ADGB: variants seen among roughly 807,000 people sequenced by gnomAD.
ADGB encodes androglobin.
Under a neutral mutation model 210.5 loss-of-function variants are expected in ADGB, and 172 were observed. The observed-to-expected ratio is 0.82, with a 90% CI of 0.72 to 0.93. The LOEUF is 0.93. Ranked by LOEUF, ADGB falls within the 40% of genes least tolerant of loss-of-function variation. The pLI, the probability that ADGB is intolerant of heterozygous loss-of-function variation, is 0.00. For missense variants in ADGB, 2,025 were observed against 1,964.8 expected (o/e 1.03, Z -0.58); for synonymous variants, 658 against 662.7 (o/e 0.99, Z 0.11).
chr6:146,770,937 A>C (rs1457504918), intron 29 of ADGB, among the ~76,000 whole-genome samples: 1 of 152,104 alleles, frequency 6.6e-6, no homozygotes, highest in Non-Finnish European at 1.5e-5. Flanking sequence ...ACATCTGCCC[A>C]TTCTACTTCA....
Position 146,815,134 on chromosome 6 carries a change from C to G in ADGB, c.4921C>G (p.Gln1641Glu). The G allele has an allele frequency of 1.9e-6, 3 of 1,546,906 alleles. No individual in the cohort carries two copies. Among genetic ancestry groups the G allele is most frequent in the Non-Finnish European group, 2.6e-6 (3 of 1,145,628 alleles). ...EHLKLETLAA[Q>E]EAAMKLETEK... ...CCTAAAGCTGGAAACTCTGGCTGCTCAGGAAGCAGCCATGAAGCTGGAGAC... is the reference window on the plus strand; with the variant it reads ...CCTAAAGCTGGAAACTCTGGCTGCTGAGGAAGCAGCCATGAAGCTGGAGAC... The change falls in exon 36 of 36, where the codon CAG (glutamine) becomes GAG (glutamate). Residue 1641 changes from glutamine (Q) to glutamate (E), a missense_variant. Transcript: ENST00000397944.
chr6:146,740,491 A>C lies in ADGB; in HGVS notation c.2921A>C (p.Glu974Ala), dbSNP rs756448902. 6.5e-7 allele frequency: 1 copy of C among 1,548,068 alleles called. No homozygotes were observed. Among genetic ancestry groups the C allele is most frequent in the South Asian group, 1.2e-5 (1 of 83,612 alleles). ...LMFKSKCKSL[E>A]SYPCYQDEET... ...TTTAAAAGCAAGTGCAAGTCTTTGG[A>C]ATCTTATCCATGCTATCAAGATGAA... The change falls in exon 24 of 36, where the codon GAA (glutamate) becomes GCA (alanine). Residue 974 changes from glutamate (E) to alanine (A), a missense_variant. Coordinates refer to ENST00000397944, the MANE Select transcript of ADGB (RefSeq NM_024694.4).
chr6:146,732,241 G>T (rs1776998510), intron 20 of ADGB, among the ~76,000 whole-genome samples: 1 of 152,142 alleles, frequency 6.6e-6, no homozygotes, highest in South Asian at 2.1e-4. Flanking sequence ...GCTGGCCGAG[G>T]TACCAAGGAC....
chr6:146,706,238 T>TG (rs1322079744), intron 13 of ADGB, among the ~76,000 whole-genome samples: 4 of 151,148 alleles, frequency 2.6e-5, no homozygotes, highest in East Asian at 1.9e-4. Flanking sequence ...GACAGTTTTT[T>TG]GTTTTTTTTT....
At chr6:146,749,728 T>C (rs1006759336) in intron 26 of ADGB, among the ~76,000 whole-genome samples, 1 of 152,100 alleles carries the variant, frequency 6.6e-6, no homozygotes, top group Non-Finnish European at 1.5e-5. Context: ...TTCTACAGTA[T>C]GTACAGGAGG....
At chr6:146,715,557 G>A in intron 14 of ADGB, 142 bp downstream of exon 14, 1 of 488,222 alleles carries the variant, frequency 2.0e-6, no homozygotes, top group Non-Finnish European at 3.6e-6. Context: ...AGTCTGCTCT[G>A]GGCTTTAAAA....
chr6:146,696,373 G>T (rs1776403455), intron 12 of ADGB, among the ~76,000 whole-genome samples: 1 of 149,558 alleles, frequency 6.7e-6, no homozygotes, highest in South Asian at 2.1e-4. Context: ...ACAGTGCCCA[G>T]CCAGAAATAC....
chr6:146,652,732 T>G (rs1356699884), intron 3 of ADGB, among the ~76,000 whole-genome samples: 2 of 152,018 alleles, frequency 1.3e-5, no homozygotes, highest in Non-Finnish European at 2.9e-5. Flanking sequence ...GCTATCACAA[T>G]CTCAAAAAAA....
intron 3 of ADGB, among the ~76,000 whole-genome samples, chr6:146,647,272 CTAA>C (rs1225856541): frequency 2.0e-5 from 3 of 151,310 alleles, no homozygotes; most frequent in East Asian, 1.9e-4. Flanking sequence ...AATCAAAAAT[CTAA>C]TAATAATAAT....
At chr6:146,691,506 T>TTTA (rs1562275710) in intron 11 of ADGB, among the ~76,000 whole-genome samples, 1 of 38,730 alleles carries the variant, frequency 2.6e-5, no homozygotes, top group Admixed American at 3.2e-4. Flanking sequence ...ATATATTTTT[T>TTTA]TTTTTTTTTT....
At chr6:146,676,601 G>A (rs1776088266) in intron 9 of ADGB, among the ~76,000 whole-genome samples, 160 bp downstream of exon 9, 1 of 152,136 alleles carries the variant, frequency 6.6e-6, no homozygotes, top group Non-Finnish European at 1.5e-5. Flanking sequence ...GGCGTGTTGG[G>A]CCAAGTCCTA....
chr6:146,749,004 G>C (rs1292725925), intron 26 of ADGB, among the ~76,000 whole-genome samples: 1 of 152,160 alleles, frequency 6.6e-6, no homozygotes, highest in African/African-American at 2.4e-5. Flanking sequence ...GTGAAGCACT[G>C]GGGGTTAGAA....
At chr6:146,802,757 T>C (rs933071273) in intron 35 of ADGB, 5 of 1,583,700 alleles carry the variant, frequency 3.2e-6, no homozygotes, top group Non-Finnish European at 4.3e-6. Flanking sequence ...TTCAGGGATG[T>C]TTTGAAAAAC....
intron 1 of ADGB, among the ~76,000 whole-genome samples, chr6:146,600,924 GCGCACACA>G (rs1169492835): frequency 3.9e-3 from 186 of 47,574 alleles, no homozygotes; most frequent in South Asian, 0.013. Flanking sequence ...CCTCCCCCAT[GCGCACACA>G]CACACACACA....
intron 26 of ADGB, among the ~76,000 whole-genome samples, chr6:146,747,100 A>G (rs1237371509): frequency 1.3e-5 from 2 of 152,188 alleles, no homozygotes; most frequent in African/African-American, 2.4e-5. Context: ...TGTGAGAATC[A>G]ACATTGATTG....
At chr6:146,798,598 C>T (rs940961770) in intron 33 of ADGB, among the ~76,000 whole-genome samples, 5 of 151,554 alleles carry the variant, frequency 3.3e-5, no homozygotes, top group African/African-American at 1.2e-4. Context: ...AGAAATAAAA[C>T]ACATCAATCT....
At chr6:146,678,018 A>G (rs1776107193) in intron 9 of ADGB, among the ~76,000 whole-genome samples, 1 of 152,192 alleles carries the variant, frequency 6.6e-6, no homozygotes, top group South Asian at 2.1e-4. Flanking sequence ...TTTATCTGGC[A>G]TAAATATGAG....
At chr6:146,699,235 G>A (rs1222754895) in intron 12 of ADGB, among the ~76,000 whole-genome samples, 1 of 152,166 alleles carries the variant, frequency 6.6e-6, no homozygotes, top group African/African-American at 2.4e-5. Context: ...CTGTCTGCAA[G>A]CTGGGGAACC....
intron 8 of ADGB, among the ~76,000 whole-genome samples, chr6:146,675,354 A>T (rs1464652061): frequency 6.6e-6 from 1 of 152,126 alleles, no homozygotes; most frequent in Admixed American, 6.6e-5. Context: ...GCACACCTGT[A>T]GTCCCAGCTA....
Sources: allele counts gnomAD v4.1 joint callset (sites outside exome capture counted in the v4.1 genomes callset), GRCh38; gene constraint gnomAD v4.1.1; transcripts MANE v1.5; gene names NCBI Gene and HGNC (gene_info 2026-07-23, HGNC 2026-07-21).